The following GABBR2 variants were observed in gnomAD, a reference collection of about 807,000 sequenced individuals.
The protein encoded by GABBR2 is G-protein coupled receptor 51.
Under a neutral mutation model 105.6 loss-of-function variants are expected in GABBR2, and 23 were observed. That is an observed-to-expected ratio of 0.22 (90% CI 0.16 to 0.31). GABBR2 has a LOEUF of 0.31. Among genes scored for constraint, GABBR2 ranks in the 10% least tolerant of loss-of-function variants. The pLI is 1.00. For synonymous variants in GABBR2, 478 were observed against 499.7 expected (o/e 0.96, Z 0.58); for missense variants, 734 against 1,245.5 (o/e 0.59, Z 6.18).
chr9:98,570,688 G>A (rs996102025), intron 2 of GABBR2, among the ~76,000 whole-genome samples: 2 of 152,170 alleles, frequency 1.3e-5, no homozygotes, highest in African/African-American at 4.8e-5. Context: ...CCACCCTTAG[G>A]TCTCTGAGGA....
At chr9:98,383,302 AAG>A (rs1832012002) in intron 11 of GABBR2, among the ~76,000 whole-genome samples, 1 of 152,178 alleles carries the variant, frequency 6.6e-6, no homozygotes, top group Non-Finnish European at 1.5e-5. Context: ...GACTTTTGAG[AAG>A]CTCAGCTTCT....
At chr9:98,634,854 A>T (rs1011413494) in intron 1 of GABBR2, among the ~76,000 whole-genome samples, 2 of 152,154 alleles carry the variant, frequency 1.3e-5, no homozygotes, top group African/African-American at 4.8e-5. Flanking sequence ...CCCCTCTGTC[A>T]CGCCTCCTGC....
chr9:98,349,353 T>TG, intron 13 of GABBR2, among the ~76,000 whole-genome samples: 3 of 15,078 alleles, frequency 2.0e-4, no homozygotes, highest in Non-Finnish European at 4.9e-4. Context: ...AGTTTTGTTT[T>TG]TTTTTTTTTT....
At chr9:98,650,266 C>A (rs1464627920) in intron 1 of GABBR2, among the ~76,000 whole-genome samples, 3 of 152,152 alleles carry the variant, frequency 2.0e-5, no homozygotes, top group Non-Finnish European at 4.4e-5. Context: ...TGAATCCTGG[C>A]CCTGGCACTT....
chr9:98,630,801 C>T (rs1588260238), intron 1 of GABBR2, among the ~76,000 whole-genome samples: 1 of 152,138 alleles, frequency 6.6e-6, no homozygotes, highest in South Asian at 2.1e-4. Flanking sequence ...GGACACCAAC[C>T]TACCAATACT....
chr9:98,385,965 A>T (rs1441344170), intron 10 of GABBR2, among the ~76,000 whole-genome samples, 193 bp from the exon 11 acceptor site: 1 of 152,190 alleles, frequency 6.6e-6, no homozygotes, highest in Non-Finnish European at 1.5e-5. Flanking sequence ...GATTTTCCCC[A>T]ACACCCAGGT....
chr9:98,690,538 AAAG>A (rs533705325), intron 1 of GABBR2, among the ~76,000 whole-genome samples: 212 of 152,310 alleles, frequency 1.4e-3, no homozygotes, highest in African/African-American at 4.9e-3. Flanking sequence ...TTCTCTGCCC[AAAG>A]AAGAAGTCAT....
intron 12 of GABBR2, among the ~76,000 whole-genome samples, chr9:98,363,748 C>T (rs1006710197): frequency 2.6e-5 from 4 of 152,162 alleles, no homozygotes; most frequent in African/African-American, 9.7e-5. Context: ...ATATAACTCC[C>T]ATTCCTCTTT....
At chr9:98,636,239 G>T (rs1418777326) in intron 1 of GABBR2, among the ~76,000 whole-genome samples, 1 of 152,108 alleles carries the variant, frequency 6.6e-6, no homozygotes, top group Non-Finnish European at 1.5e-5. Flanking sequence ...GAAAGGCCAA[G>T]AATTTTCAAA....
chr9:98,640,686 C>T (rs1189049236), intron 1 of GABBR2, among the ~76,000 whole-genome samples: 5 of 152,100 alleles, frequency 3.3e-5, no homozygotes, highest in Non-Finnish European at 5.9e-5. Context: ...GAATTCTAAC[C>T]CCCTGGAGAG....
At chr9:98,420,732 AG>A (rs746044288) in intron 7 of GABBR2, among the ~76,000 whole-genome samples, 7 of 152,292 alleles carry the variant, frequency 4.6e-5, no homozygotes, top group African/African-American at 1.4e-4. Flanking sequence ...CAGAAGCGCT[AG>A]GGAGAGATCA....
chr9:98,618,568 T>TTC (rs370457548), intron 1 of GABBR2, among the ~76,000 whole-genome samples: 5 of 149,428 alleles, frequency 3.3e-5, no homozygotes, highest in South Asian at 2.1e-4. Context: ...TTCTGTCTAT[T>TTC]TCTCTCTCTC....
At chr9:98,309,641 T>TGC (rs1830606367) in intron 14 of GABBR2, among the ~76,000 whole-genome samples, 1 of 152,198 alleles carries the variant, frequency 6.6e-6, no homozygotes, top group Non-Finnish European at 1.5e-5. Context: ...CTCTTCCAAG[T>TGC]TTCTGGTGAC....
chr9:98,391,014 TTC>T (rs1354840608), intron 9 of GABBR2, among the ~76,000 whole-genome samples: 1 of 152,190 alleles, frequency 6.6e-6, no homozygotes, highest in Non-Finnish European at 1.5e-5. Flanking sequence ...TGAGTTTTCT[TTC>T]TCACTTTTCA....
chr9:98,506,846 G>A (rs1469832917), intron 3 of GABBR2, among the ~76,000 whole-genome samples: 1 of 152,134 alleles, frequency 6.6e-6, no homozygotes, highest in Non-Finnish European at 1.5e-5. Flanking sequence ...ATCCCACCTG[G>A]TAGAGCTACA....
At chr9:98,686,365 T>C (rs1028622963) in intron 1 of GABBR2, among the ~76,000 whole-genome samples, 4 of 147,926 alleles carry the variant, frequency 2.7e-5, no homozygotes, top group East Asian at 2.0e-4. Flanking sequence ...TTTTCCTCTA[T>C]TGCAATAGTC....
At chr9:98,401,283 A>C (rs1832390256) in intron 8 of GABBR2, among the ~76,000 whole-genome samples, 2 of 152,266 alleles carry the variant, frequency 1.3e-5, no homozygotes, top group African/African-American at 4.8e-5. Context: ...GTCTGCTTCA[A>C]GCCTATATAC....
At chr9:98,636,932 G>A (rs145347373) in intron 1 of GABBR2, among the ~76,000 whole-genome samples, 2 of 152,252 alleles carry the variant, frequency 1.3e-5, no homozygotes, top group East Asian at 3.9e-4. Flanking sequence ...CTCCTTGGAA[G>A]ACTCTGGTTT....
intron 1 of GABBR2, among the ~76,000 whole-genome samples, chr9:98,613,666 G>A (rs1930421): frequency 0.072 from 10,981 of 152,278 alleles, 1,090 homozygotes; most frequent in East Asian, 0.46. Context: ...AATTCTGCAG[G>A]GAAGTAACTG....
Sources: allele counts gnomAD v4.1 joint callset (sites outside exome capture counted in the v4.1 genomes callset), GRCh38; gene constraint gnomAD v4.1.1; transcripts MANE v1.5; gene names NCBI Gene and HGNC (gene_info 2026-07-23, HGNC 2026-07-21).